Variants in BMP1 observed in about 807,000 individuals in gnomAD.
The protein encoded by BMP1 is mammalian tolloid protein.
A neutral mutation model predicts 116.8 loss-of-function variants in BMP1; 63 were observed. The observed-to-expected ratio is 0.54, with a 90% confidence interval of 0.44 to 0.67. The LOEUF is 0.67. Ranked by LOEUF, BMP1 falls within the 30% of genes least tolerant of loss-of-function variation. The pLI is 0.00. For missense variants in BMP1, 1,183 were observed against 1,358.9 expected (o/e 0.87, Z 2.04); for synonymous variants, 536 against 533.4 (o/e 1.00, Z -0.07).
In BMP1 at chr8:22,179,932, AG is replaced by A. The variant is rs1828563697; in HGVS notation, c.961+104del. ...CAAGAAGGCTTAGGCTGCAAGTCTT[AG>A]AGAATGGTGTGGCGGGGGAGGGGAC... On this transcript the variant is annotated intron_variant, in intron 7 of 19. Coordinates refer to ENST00000306385, the MANE Select transcript of BMP1 (RefSeq NM_006129.5). The surrounding 1 kb of genome is among the most constrained non-coding windows in gnomAD (Gnocchi z 4.6). 7.7e-7 allele frequency: 1 copy of A among 1,296,338 alleles called. No individual in the cohort carries two copies. Among genetic ancestry groups the A allele is most frequent in the African/African-American group, 1.5e-5 (1 of 67,144 alleles). The allele number at this position is 1,296,338 out of a possible 1,614,324, so 80.3% of individuals were successfully genotyped here.
At chr8:22,175,998 G>A (rs1828418764) in intron 2 of BMP1, 145 bp from the exon 3 acceptor site, 1 of 830,482 alleles carries the variant, frequency 1.2e-6, no homozygotes, top group Non-Finnish European at 1.8e-6. Context: ...AAAGCCCTGA[G>A]AGTATTGATT....
rs770801315 is a variant in BMP1 at position 22,194,585 on chromosome 8, T to G, written c.1438T>G (p.Phe480Val). The change falls in exon 11 of 20, where the codon TTT (phenylalanine) becomes GTT (valine). Residue 480 changes from phenylalanine to valine, a missense_variant. Coordinates refer to ENST00000306385, the MANE Select transcript of BMP1 (RefSeq NM_006129.5). This position sits in a 1 kb window ranked among gnomAD's most constrained non-coding sequence, Gnocchi z 4.5. The stretch of plus-strand genomic sequence containing the variant: ...CCACGTGGGCCTCACATTCCAGTCC[T>G]TTGAGGTAGGTCAGTGGCCCTGTGA... ...GFHVGLTFQS[F>V]EIERHDSCAY... 8 of 1,613,948 alleles carry G rather than the reference T, an allele frequency of 5.0e-6. No individual in the cohort carries two copies. Among genetic ancestry groups the G allele is most frequent in the Non-Finnish European group, 6.8e-6 (8 of 1,179,970 alleles).
rs1828675292 is a variant in BMP1, at chr8:22,183,284, T to C, written c.1077+2801T>C. On this transcript the variant is annotated intron_variant, in intron 8 of 19. Coordinates refer to ENST00000306385, the MANE Select transcript of BMP1 (RefSeq NM_006129.5). ...TTTTAAAAATTAGCTGGGTGTCTGG[T>C]GGGTGTTGGTAGTTCCAGCTACTCG... 2.0e-5 allele frequency among the ~76,000 whole-genome samples: 3 copies of C among 152,056 alleles called. No homozygotes were observed. In the South Asian group the frequency reaches 6.2e-4, roughly 32 times the overall value.
intron 16 of BMP1, among the ~76,000 whole-genome samples, chr8:22,203,418 G>T (rs1023214290): frequency 6.6e-6 from 1 of 152,096 alleles, no homozygotes; most frequent in African/African-American, 2.4e-5. Context: ...TTAGCCAGGC[G>T]TGGTGGGACG....
Position 22,179,656 on chromosome 8 carries a change from G to A in BMP1, c.837-49G>A. The A allele has an allele frequency of 6.2e-7, 1 of 1,610,208 alleles. No individual in the cohort carries two copies. The highest frequency in any genetic ancestry group is 1.1e-5 in the South Asian group (1 of 90,604). On this transcript the variant is annotated intron_variant, in intron 6 of 19. Transcript: ENST00000306385. This position sits in a 1 kb window ranked among gnomAD's most constrained non-coding sequence, Gnocchi z 4.6. Reference sequence around the variant, plus strand: ...CAGATGGGCATGCCACCCACTCCCTGCCCACTGTCCATGAGACGCTCACCC... The same window carrying A: ...CAGATGGGCATGCCACCCACTCCCTACCCACTGTCCATGAGACGCTCACCC...
In BMP1 at chr8:22,211,683, A is replaced by G; in HGVS notation, c.2916A>G (p.Arg972=). 6.2e-7 allele frequency: 1 copy of G among 1,614,104 alleles called. No homozygotes were observed. Among genetic ancestry groups the G allele is most frequent in the South Asian group, 1.1e-5 (1 of 91,084 alleles). The stretch of plus-strand genomic sequence containing the variant: ...TCACCAAAAAAGGTTTCCACCTGCG[A>G]TACACCAGCACCAAGTTCCAGGACA... ...DTITKKGFHL[R]YTSTKFQDTL... Residue 972 remains arginine, a synonymous_variant, in exon 20 of 20, where the codon CGA becomes CGG. Coordinates refer to ENST00000306385, the MANE Select transcript of BMP1 (RefSeq NM_006129.5).
At chr8:22,203,727 C>T (rs1829303177) in intron 16 of BMP1, among the ~76,000 whole-genome samples, 1 of 152,130 alleles carries the variant, frequency 6.6e-6, no homozygotes, top group Admixed American at 6.5e-5. Flanking sequence ...AGAACCGAAG[C>T]CCTCAACAGT....
Position 22,180,453 on chromosome 8 carries a change from G to A in BMP1, c.1047G>A (p.Val349=). 1 of 1,614,002 alleles carries A rather than the reference G, an allele frequency of 6.2e-7. No homozygotes were observed. Among genetic ancestry groups the A allele is most frequent in the South Asian group, 1.1e-5 (1 of 91,086 alleles). Residue 349 remains valine, a synonymous_variant, in exon 8 of 20, where the codon GTG becomes GTA. Transcript: ENST00000306385. Reference sequence around the variant, plus strand: ...GCTACTCTGCTCACATGCACTGCGTGTGGCGCATCTCTGTCACACCCGGGG... The same window carrying A: ...GCTACTCTGCTCACATGCACTGCGTATGGCGCATCTCTGTCACACCCGGGG... The part of the protein sequence containing the change: ...PNGYSAHMHC[V]WRISVTPGEK...
chr8:22,182,475 T>G (rs139403728), intron 8 of BMP1, among the ~76,000 whole-genome samples: 78 of 152,340 alleles, frequency 5.1e-4, no homozygotes, highest in African/African-American at 1.8e-3. Flanking sequence ...GGATGTACGC[T>G]CCTTCTGAGA....
intron 18 of BMP1, among the ~76,000 whole-genome samples, chr8:22,208,897 C>A (rs1586476302): frequency 6.6e-6 from 1 of 152,214 alleles, no homozygotes; most frequent in Non-Finnish European, 1.5e-5. Flanking sequence ...GCCAGAGGGC[C>A]TGGGGAGGAG....
At chr8:22,210,015 C>T (rs570697663) in intron 19 of BMP1, among the ~76,000 whole-genome samples, 24 of 152,386 alleles carry the variant, frequency 1.6e-4, no homozygotes, top group African/African-American at 4.8e-4. Context: ...CCTTTCCTTA[C>T]CCCTCCCCCA....
rs1262199511 is a variant in BMP1, at chr8:22,201,869, A to T, written c.2174A>T (p.Tyr725Phe). Residue 725 changes from tyrosine (Y) to phenylalanine (F), a missense_variant, in exon 16 of 20, where the codon TAT (tyrosine) becomes TTT (phenylalanine). Around this residue, in one of 4 missense-constraint regions of BMP1, gnomAD observed 956 missense variants for 1,135.2 expected, o/e 0.84. Transcript: ENST00000306385. The stretch of plus-strand genomic sequence containing the variant: ...GACTGCGTCAACACGTTCGGCAGTT[A>T]TGAGTGCCAATGCCGCAGTGGCTTC... ...QQDCVNTFGS[Y>F]ECQCRSGFVL... 6.2e-7 allele frequency: 1 copy of T among 1,613,778 alleles called. No individual in the cohort carries two copies. The highest frequency in any genetic ancestry group is 2.2e-5 in the East Asian group (1 of 44,884).
intron 2 of BMP1, among the ~76,000 whole-genome samples, chr8:22,174,025 C>G (rs1028415002): frequency 6.6e-6 from 1 of 152,214 alleles, no homozygotes; most frequent in Non-Finnish European, 1.5e-5. Context: ...TCCTGTTTTA[C>G]AAGTACAGAA....
intron 8 of BMP1, among the ~76,000 whole-genome samples, chr8:22,188,184 T>TG (rs1225331544): frequency 1.3e-5 from 2 of 149,994 alleles, no homozygotes; most frequent in African/African-American, 2.5e-5. Context: ...TGGGTTTTTT[T>TG]TTTTTTTTTT....
chr8:22,177,843 T>C lies in BMP1; in HGVS notation c.731-9T>C, dbSNP rs377482882. Reference sequence around the variant, plus strand: ...CTCTCCCCCCACACCCTTTTCCTGATCTTGGCAGGGCAGGAGTATAACTTC... The same window carrying C: ...CTCTCCCCCCACACCCTTTTCCTGACCTTGGCAGGGCAGGAGTATAACTTC... On this transcript the variant is annotated splice_polypyrimidine_tract_variant and intron_variant, in intron 5 of 19. Transcript: ENST00000306385. 5.0e-6 allele frequency: 8 copies of C among 1,596,540 alleles called. No individual in the cohort carries two copies. Among genetic ancestry groups the C allele is most frequent in the Admixed American group, 1.7e-5 (1 of 59,344 alleles).
At chr8:22,190,616 G>A (rs73225852) in intron 8 of BMP1, among the ~76,000 whole-genome samples, 7,260 of 152,244 alleles carry the variant, frequency 0.048, 271 homozygotes, top group Admixed American at 0.092. Flanking sequence ...GAACTGAGCG[G>A]CCAAGAAGTG....
chr8:22,176,834 C>T, intron 4 of BMP1, 127 bp from the exon 5 acceptor site: 1 of 970,662 alleles, frequency 1.0e-6, no homozygotes, highest in Non-Finnish European at 1.5e-6. Flanking sequence ...CCTGGGCACT[C>T]GGTGCTCAGG....
chr8:22,207,787 CT>C lies in BMP1; in HGVS notation c.2575+272del, dbSNP rs1433849302. On this transcript the variant is annotated intron_variant, in intron 18 of 19. Coordinates refer to ENST00000306385, the MANE Select transcript of BMP1 (RefSeq NM_006129.5). ...GAGAGGAAAGCCCCCAGAGGTCCCC[CT>C]GAGCGTACGCGGGCCACCGCAGCAG... Among the ~76,000 whole-genome samples the C allele has an allele frequency of 2.0e-4, 31 of 152,344 alleles. No homozygotes were observed. In the East Asian group the frequency reaches 4.1e-3, roughly 20 times the overall value.
Position 22,212,067 on chromosome 8 carries a change from T to C in BMP1, c.*339T>C, listed in dbSNP as rs535713678. 70 of 323,310 alleles carry C rather than the reference T, an allele frequency of 2.2e-4. No individual in the cohort carries two copies. The highest frequency in any genetic ancestry group is 3.7e-4 in the Non-Finnish European group (62 of 169,514). The allele number at this position is 323,310 out of a possible 1,614,324, so 20.0% of individuals were successfully genotyped here. A position where few individuals can be genotyped will look rare whatever the true frequency, so the allele number is the denominator to read the frequency against. Reference sequence around the variant, plus strand: ...CATCCCTGTGTCTCTACACGCTGTATTGTGTATCACCGGGGGCATTATTTT... The same window carrying C: ...CATCCCTGTGTCTCTACACGCTGTACTGTGTATCACCGGGGGCATTATTTT... On this transcript the variant is annotated 3_prime_UTR_variant, in exon 20 of 20. Transcript: ENST00000306385.
Sources: allele counts gnomAD v4.1 joint callset (sites outside exome capture counted in the v4.1 genomes callset), GRCh38; gene constraint gnomAD v4.1.1; regional missense constraint gnomAD v4.1.1; non-coding constraint Gnocchi (gnomAD v3.1); transcripts MANE v1.5; gene names NCBI Gene and HGNC (gene_info 2026-07-23, HGNC 2026-07-21).